Variants in EFEMP1 observed in about 807,000 individuals in gnomAD.
EFEMP1 encodes the protein EGF-like fibulin extracellular matrix protein 1.
In EFEMP1, 18 loss-of-function variants were observed where a neutral mutation model predicts 65.7. The ratio of observed to expected loss-of-function variants is 0.27; its 90% CI spans 0.19 to 0.41. The LOEUF (loss-of-function observed/expected upper bound fraction) is 0.41. Ranked by LOEUF, EFEMP1 falls within the 10% of genes least tolerant of loss-of-function variation. The pLI, the probability that EFEMP1 is intolerant of heterozygous loss-of-function variation, is 1.00. For missense variants in EFEMP1, 469 were observed against 624.8 expected (o/e 0.75, Z 2.66); for synonymous variants, 237 against 219.7 (o/e 1.08, Z -0.70).
Position 55,866,961 on chromosome 2 carries a change from T to C in EFEMP1, c.*112A>G. 7.5e-7 allele frequency: 1 copy of C among 1,333,816 alleles called. No homozygotes were observed. 82.6% of individuals were successfully genotyped at this position (1,333,816 alleles called of 1,614,324 possible). On this transcript the variant is annotated 3_prime_UTR_variant, in exon 12 of 12. Coordinates refer to ENST00000355426, the MANE Select transcript of EFEMP1 (RefSeq NM_001039348.3). ...TGTAATTGTTTGAATTATGGGTGAG[T>C]GTACAGTATAGAGATGTAGATGCAC...
At chr2:55,901,080 G>C (rs1558478635) in intron 5 of EFEMP1, among the ~76,000 whole-genome samples, 1 of 152,194 alleles carries the variant, frequency 6.6e-6, no homozygotes, top group Non-Finnish European at 1.5e-5. Flanking sequence ...TAAAGGTGAT[G>C]ATTCTAGGAG....
intron 5 of EFEMP1, among the ~76,000 whole-genome samples, chr2:55,907,166 G>T (rs1305031215): frequency 6.6e-6 from 1 of 152,228 alleles, no homozygotes; most frequent in Non-Finnish European, 1.5e-5. Flanking sequence ...TCTGCATTCA[G>T]TCATTTCAGA....
chr2:55,868,189 C>T (rs968704778), intron 11 of EFEMP1, among the ~76,000 whole-genome samples: 1 of 152,156 alleles, frequency 6.6e-6, no homozygotes, highest in Non-Finnish European at 1.5e-5. Context: ...CGGTGCATAC[C>T]TCTTGTAAAC....
rs1669085714 is a variant in EFEMP1 at position 55,877,596 on chromosome 2, G to T, written c.760+150C>A. 9 of 1,263,246 alleles carry T rather than the reference G, an allele frequency of 7.1e-6. No individual in the cohort carries two copies. The Admixed American group carries it at 1.4e-4, about 19-fold the overall frequency. 78.3% of individuals were successfully genotyped at this position (1,263,246 alleles called of 1,614,324 possible). On this transcript the variant is annotated intron_variant, in intron 7 of 11. Coordinates refer to ENST00000355426, the MANE Select transcript of EFEMP1 (RefSeq NM_001039348.3). This position sits in a 1 kb window ranked among gnomAD's most constrained non-coding sequence, Gnocchi z 4.5. ...ACATCTTGATGTGTTTTAAGACACA[G>T]ATTGGTTATTATCTTTTAAGCTTTA...
At chr2:55,880,988 T>C (rs1669217711) in intron 6 of EFEMP1, among the ~76,000 whole-genome samples, 1 of 152,216 alleles carries the variant, frequency 6.6e-6, no homozygotes, top group Middle Eastern at 3.2e-3. Flanking sequence ...GTACTCATGG[T>C]ACCCTACAAA....
chr2:55,872,392 G>T (rs1042971563), intron 9 of EFEMP1, among the ~76,000 whole-genome samples: 1 of 151,978 alleles, frequency 6.6e-6, no homozygotes, highest in African/African-American at 2.4e-5. Flanking sequence ...CCTTCTATTA[G>T]CTTGTAAACT....
chr2:55,882,074 C>T (rs1225104310), intron 5 of EFEMP1, among the ~76,000 whole-genome samples: 1 of 152,024 alleles, frequency 6.6e-6, no homozygotes, highest in African/African-American at 2.4e-5. Flanking sequence ...ATGAATCCTT[C>T]CCTGAGATGT....
chr2:55,871,030 C>G lies in EFEMP1; in HGVS notation c.1094G>C (p.Cys365Ser), dbSNP rs1378597666. The G allele has an allele frequency of 6.2e-7, 1 of 1,613,682 alleles. No individual in the cohort carries two copies. Among genetic ancestry groups the G allele is most frequent in the Non-Finnish European group, 8.5e-7 (1 of 1,179,788 alleles). ...GGFRCYPRNP[C>S]QDPYILTPEN... is the part of the protein sequence containing the mutation. ...TGGTGTTAGAATGTAGGGATCTTGA[C>G]AAGGATTTCGTGGATAACAACGGAA... is the stretch of plus-strand genomic sequence containing the variant. The change falls in exon 10 of 12, where the codon TGT becomes TCT. Residue 365 changes from cysteine (C) to serine (S), a missense_variant. Cys to Ser is a moderately radical substitution (Grantham distance 112). This residue lies in a region of EFEMP1 where 399 missense variants were observed against 528.2 expected (regional missense o/e 0.76). Transcript: ENST00000355426. The surrounding 1 kb of genome is among the most constrained non-coding windows in gnomAD (Gnocchi z 4.2).
chr2:55,897,446 T>C (rs998399955), intron 5 of EFEMP1, among the ~76,000 whole-genome samples: 2 of 152,160 alleles, frequency 1.3e-5, no homozygotes, highest in African/African-American at 2.4e-5. Context: ...ACCCCCACCA[T>C]TGAGAAGGAA....
chr2:55,884,619 G>A (rs571377964), intron 5 of EFEMP1, among the ~76,000 whole-genome samples: 1 of 152,296 alleles, frequency 6.6e-6, no homozygotes, highest in South Asian at 2.1e-4. Context: ...CATTTGTATG[G>A]GAGAATATCT....
chr2:55,902,026 CT>C (rs1335796031), intron 5 of EFEMP1, among the ~76,000 whole-genome samples: 4 of 152,200 alleles, frequency 2.6e-5, no homozygotes, highest in African/African-American at 9.7e-5. Flanking sequence ...GGGAGTGGAT[CT>C]TTTCCAGTCG....
intron 6 of EFEMP1, among the ~76,000 whole-genome samples, chr2:55,878,946 A>C (rs1487851649): frequency 6.6e-6 from 1 of 152,194 alleles, no homozygotes; most frequent in Non-Finnish European, 1.5e-5. Flanking sequence ...TGAATACTGA[A>C]ATAAATAGTA....
At chr2:55,912,435 G>C (rs911799645) in intron 5 of EFEMP1, among the ~76,000 whole-genome samples, 1 of 152,160 alleles carries the variant, frequency 6.6e-6, no homozygotes, top group Non-Finnish European at 1.5e-5. Context: ...GATCACTTAA[G>C]TTTAAAATGA....
At chr2:55,910,162 C>G (rs1189589142) in intron 5 of EFEMP1, among the ~76,000 whole-genome samples, 1 of 152,188 alleles carries the variant, frequency 6.6e-6, no homozygotes, top group Non-Finnish European at 1.5e-5. Flanking sequence ...GTTATGCTAA[C>G]AGCTCAGCAT....
At chr2:55,895,490 C>A (rs1461709883) in intron 5 of EFEMP1, among the ~76,000 whole-genome samples, 1 of 152,114 alleles carries the variant, frequency 6.6e-6, no homozygotes, top group East Asian at 1.9e-4. Context: ...TCCAGGTCAC[C>A]ACAGAAAGTA....
At chr2:55,889,161 C>CTT (rs1292346558) in intron 5 of EFEMP1, among the ~76,000 whole-genome samples, 2 of 152,248 alleles carry the variant, frequency 1.3e-5, no homozygotes, top group African/African-American at 4.8e-5. Flanking sequence ...CAAATCATCA[C>CTT]TTGAGGTCGC....
rs1201987003 is a variant in EFEMP1 at position 55,866,579 on chromosome 2, A to T, written c.*494T>A. 6.4e-6 allele frequency: 1 copy of T among 156,892 alleles called. No homozygotes were observed. The highest frequency in any genetic ancestry group is 1.4e-5 in the Non-Finnish European group (1 of 70,694). 9.7% of individuals were successfully genotyped at this position (156,892 alleles called of 1,614,324 possible). On this transcript the variant is annotated 3_prime_UTR_variant, in exon 12 of 12. Coordinates refer to ENST00000355426, the MANE Select transcript of EFEMP1 (RefSeq NM_001039348.3). ...CACCTTTAGGCTGGATATGAAAATA[A>T]AAACCAACACAAATATGGCAGATCC...
intron 5 of EFEMP1, among the ~76,000 whole-genome samples, chr2:55,907,746 G>C (rs1226210569): frequency 6.6e-6 from 1 of 152,138 alleles, no homozygotes; most frequent in East Asian, 1.9e-4. Context: ...CCCATGAGTT[G>C]TTTCCCACTT....
intron 5 of EFEMP1, among the ~76,000 whole-genome samples, chr2:55,891,473 G>A (rs964389099): frequency 6.6e-6 from 1 of 152,014 alleles, no homozygotes; most frequent in African/African-American, 2.4e-5. Context: ...AACAGATGCT[G>A]CATCCACTCT....
Sources: gnomAD v4.1 joint callset for allele counts (sites outside exome capture counted in the v4.1 genomes callset) on GRCh38, gnomAD v4.1.1 for gene constraint, gnomAD v4.1.1 regional missense constraint, Gnocchi (gnomAD v3.1) non-coding constraint, MANE v1.5 for transcripts, NCBI Gene and HGNC (gene_info 2026-07-23, HGNC 2026-07-21) for gene names.